The following SGCZ variants were observed in gnomAD, a reference collection of about 807,000 sequenced individuals.
SGCZ encodes sarcoglycan zeta.
Under a neutral mutation model 41.3 loss-of-function variants are expected in SGCZ, and 40 were observed. The observed-to-expected ratio is 0.97, with a 90% CI of 0.75 to 1.26. The LOEUF is 1.26. Ranked by LOEUF, SGCZ falls within the 50% of genes most tolerant of loss-of-function variation. The pLI, the probability that SGCZ is intolerant of heterozygous loss-of-function variation, is 0.00. For missense variants in SGCZ, 552 were observed against 369.8 expected (o/e 1.49, Z -4.04); for synonymous variants, 206 against 137.5 (o/e 1.50, Z -3.49).
intron 1 of SGCZ, among the ~76,000 whole-genome samples, chr8:14,662,141 A>ACT (rs34412332): frequency 0.34 from 51,516 of 151,274 alleles, 11,264 homozygotes; most frequent in African/African-American, 0.63. Flanking sequence ...CTGTAATACT[A>ACT]CTCTCTCCCC....
chr8:14,434,069 G>A (rs771860175), intron 2 of SGCZ, among the ~76,000 whole-genome samples: 14 of 152,072 alleles, frequency 9.2e-5, no homozygotes, highest in Admixed American at 4.6e-4. Flanking sequence ...GGGTTTTTCC[G>A]ATGTTATGTT....
intron 1 of SGCZ, among the ~76,000 whole-genome samples, chr8:14,826,912 T>C (rs1802344822): frequency 1.3e-5 from 2 of 152,156 alleles, no homozygotes; most frequent in South Asian, 4.1e-4. Context: ...GTAGTTTCTT[T>C]TGCTGTGCAG....
chr8:14,970,421 C>G (rs1043582283), intron 1 of SGCZ, among the ~76,000 whole-genome samples: 4 of 151,906 alleles, frequency 2.6e-5, no homozygotes, highest in Admixed American at 2.6e-4. Context: ...AGTTTTTTTC[C>G]TTATGTTTCC....
chr8:14,103,837 C>A (rs1585137131), intron 6 of SGCZ, among the ~76,000 whole-genome samples: 1 of 150,166 alleles, frequency 6.7e-6, no homozygotes, highest in Admixed American at 6.6e-5. Context: ...AAGACAATCA[C>A]TCACAATCCT....
intron 1 of SGCZ, among the ~76,000 whole-genome samples, chr8:14,715,619 A>G (rs1031059): frequency 0.31 from 46,593 of 151,874 alleles, 7,739 homozygotes; most frequent in East Asian, 0.42. Flanking sequence ...CAGGCACATG[A>G]CAAAATACGA....
chr8:15,200,871 G>A (rs746595572), intron 1 of SGCZ, among the ~76,000 whole-genome samples: 30 of 152,226 alleles, frequency 2.0e-4, no homozygotes, highest in Non-Finnish European at 3.8e-4. Context: ...AATAACACTT[G>A]CATATCATAG....
At chr8:14,833,379 G>T (rs927511915) in intron 1 of SGCZ, among the ~76,000 whole-genome samples, 2 of 152,136 alleles carry the variant, frequency 1.3e-5, no homozygotes, top group African/African-American at 4.8e-5. Context: ...TCCCAGAGAA[G>T]CCAAACATAC....
rs1463724897 is a variant in SGCZ at position 14,359,993 on chromosome 8, A to G, written c.235-35789T>C. 2.6e-5 allele frequency among the ~76,000 whole-genome samples: 4 copies of G among 152,206 alleles called. No homozygotes were observed. The East Asian group carries it at 7.7e-4, about 29-fold the overall frequency. On this transcript the variant is annotated intron_variant, in intron 2 of 7. Coordinates refer to ENST00000382080, the MANE Select transcript of SGCZ (RefSeq NM_139167.4). ...AATGAATGTGATATATCATATCAACAGAATGAAGGATAAAATTTATATAGT... is the reference window on the plus strand; with the variant it reads ...AATGAATGTGATATATCATATCAACGGAATGAAGGATAAAATTTATATAGT...
intron 5 of SGCZ, among the ~76,000 whole-genome samples, chr8:14,108,806 T>C (rs1802287902): frequency 6.6e-6 from 1 of 152,136 alleles, no homozygotes; most frequent in African/African-American, 2.4e-5. Flanking sequence ...AATTTTAAAA[T>C]TAAATTATTT....
At chr8:15,029,699 T>C (rs1017668419) in intron 1 of SGCZ, among the ~76,000 whole-genome samples, 1 of 152,132 alleles carries the variant, frequency 6.6e-6, no homozygotes, top group Admixed American at 6.5e-5. Context: ...GAAAAAATGC[T>C]GAATCCCATT....
At chr8:14,326,900 A>C (rs1802138565) in intron 2 of SGCZ, among the ~76,000 whole-genome samples, 1 of 152,200 alleles carries the variant, frequency 6.6e-6, no homozygotes, top group Admixed American at 6.5e-5. Context: ...TTAAGAACAG[A>C]AACAGAATTG....
At chr8:14,314,627 A>T (rs1454702014) in intron 3 of SGCZ, among the ~76,000 whole-genome samples, 2 of 152,164 alleles carry the variant, frequency 1.3e-5, no homozygotes, top group Non-Finnish European at 2.9e-5. Flanking sequence ...AAGAATTTGA[A>T]CTACAATCAG....
At chr8:14,592,417 T>C (rs1407394871) in intron 1 of SGCZ, among the ~76,000 whole-genome samples, 1 of 152,148 alleles carries the variant, frequency 6.6e-6, no homozygotes, top group Non-Finnish European at 1.5e-5. Context: ...GTATACATGC[T>C]ATATTTCATA....
At chr8:15,115,673 T>C (rs1465673882) in intron 1 of SGCZ, among the ~76,000 whole-genome samples, 1 of 152,196 alleles carries the variant, frequency 6.6e-6, no homozygotes, top group Non-Finnish European at 1.5e-5. Context: ...GAGAAAATAA[T>C]TCTTAATATG....
At chr8:14,613,388 T>G (rs1281792602) in intron 1 of SGCZ, among the ~76,000 whole-genome samples, 4 of 152,074 alleles carry the variant, frequency 2.6e-5, no homozygotes. Context: ...ACAAAAGAAA[T>G]AGCAAAATAC....
chr8:14,444,382 A>T (rs557671650), intron 2 of SGCZ, among the ~76,000 whole-genome samples: 130 of 152,286 alleles, frequency 8.5e-4, no homozygotes, highest in Non-Finnish European at 1.8e-3. Context: ...TTGCGGCACT[A>T]TTCACCATAG....
intron 1 of SGCZ, among the ~76,000 whole-genome samples, chr8:15,099,354 A>T (rs182796394): frequency 2.1e-4 from 32 of 152,336 alleles, no homozygotes; most frequent in Middle Eastern, 3.4e-3. Context: ...GACCAATTAT[A>T]TGCCCATAAA....
chr8:14,600,540 C>T (rs1016737894), intron 1 of SGCZ, among the ~76,000 whole-genome samples: 11 of 152,102 alleles, frequency 7.2e-5, no homozygotes, highest in Non-Finnish European at 1.6e-4. Flanking sequence ...CAGGCAGTTA[C>T]GAAAATATGG....
chr8:15,008,861 C>T (rs1802717800), intron 1 of SGCZ, among the ~76,000 whole-genome samples: 2 of 151,354 alleles, frequency 1.3e-5, no homozygotes, highest in South Asian at 4.2e-4. Context: ...TTGAAACTGA[C>T]AATTTTAAGT....
Sources: allele counts gnomAD v4.1 joint callset (sites outside exome capture counted in the v4.1 genomes callset), GRCh38; gene constraint gnomAD v4.1.1; transcripts MANE v1.5; gene names NCBI Gene and HGNC (gene_info 2026-07-23, HGNC 2026-07-21).